EPHA7: variants seen among roughly 807,000 people sequenced by gnomAD.
EPHA7 encodes the protein ephrin type-A receptor 7.
In EPHA7, 25 loss-of-function variants were observed where a neutral mutation model predicts 112.6. The ratio of observed to expected loss-of-function variants is 0.22; its 90% CI spans 0.16 to 0.31. The LOEUF (loss-of-function observed/expected upper bound fraction) is 0.31, where lower values mean the gene tolerates loss of function less well. EPHA7 is among the 10% of genes least tolerant of loss of function. EPHA7 has a pLI of 1.00. For synonymous variants in EPHA7, 437 were observed against 406.5 expected (o/e 1.07, Z -0.90); for missense variants, 962 against 1,212.6 (o/e 0.79, Z 3.07).
chr6:93,349,347 TG>T (rs959743502), intron 5 of EPHA7, among the ~76,000 whole-genome samples: 3 of 151,844 alleles, frequency 2.0e-5, no homozygotes, highest in Non-Finnish European at 4.4e-5. Flanking sequence ...ATTACTAAAA[TG>T]TCATGCCCTG....
At chr6:93,316,911 T>A (rs1319145657) in intron 5 of EPHA7, among the ~76,000 whole-genome samples, 1 of 152,050 alleles carries the variant, frequency 6.6e-6, no homozygotes, top group South Asian at 2.1e-4. Context: ...AGTTGGAAAA[T>A]AATAATTAGC....
In EPHA7 at chr6:93,264,688, T is replaced by C. The variant is rs934498317; in HGVS notation, c.1648A>G (p.Ser550Gly). The C allele has an allele frequency of 7.5e-6, 12 of 1,602,506 alleles. No individual in the cohort carries two copies. Among genetic ancestry groups the C allele is most frequent in the Non-Finnish European group, 1.0e-5 (12 of 1,173,082 alleles). The change falls in exon 8 of 17, where the codon AGT becomes GGT. Residue 550 changes from serine to glycine, a missense_variant. Ser to Gly is a moderately conservative substitution (Grantham distance 56). Transcript: ENST00000369303. ...ATGATAATAACAGGATTCTGTTCAC[T>C]GGAGACAGCTGTAGCTGTAAACAGA... is the stretch of plus-strand genomic sequence containing the variant. ...GKMFEATAVSSEQNPVIIIAV... is the reference protein window; with the variant it reads ...GKMFEATAVSGEQNPVIIIAV...
chr6:93,241,403 A>G lies in EPHA7; in HGVS notation c.*2023T>C, dbSNP rs1300970882. 4.7e-6 allele frequency: 1 copy of G among 212,180 alleles called. No individual in the cohort carries two copies. The highest frequency in any genetic ancestry group is 9.6e-6 in the Non-Finnish European group (1 of 104,376). 13.1% of individuals were successfully genotyped at this position (212,180 alleles called of 1,614,324 possible). On this transcript the variant is annotated 3_prime_UTR_variant, in exon 17 of 17. Coordinates refer to ENST00000369303, the MANE Select transcript of EPHA7 (RefSeq NM_004440.4). ...TACACACTGCAGACACTGAAAAATA[A>G]CCCTCAAGCACATTGTGTTATAGTT...
chr6:93,403,084 C>T (rs625822), intron 3 of EPHA7, among the ~76,000 whole-genome samples: 125,636 of 152,030 alleles, frequency 0.83, 52,432 homozygotes, highest in African/African-American at 0.95. Context: ...ATTATTAGCA[C>T]TTTATCCTGT....
At chr6:93,371,448 A>T (rs190750330) in intron 3 of EPHA7, among the ~76,000 whole-genome samples, 1 of 152,226 alleles carries the variant, frequency 6.6e-6, no homozygotes, top group East Asian at 1.9e-4. Flanking sequence ...TATATAAGGG[A>T]CTTAAGCATC....
At chr6:93,246,384 C>T (rs1002351953) in intron 15 of EPHA7, among the ~76,000 whole-genome samples, 1 of 152,118 alleles carries the variant, frequency 6.6e-6, no homozygotes, top group East Asian at 1.9e-4. Flanking sequence ...ATCATTGAAT[C>T]ATTTATTAAA....
chr6:93,410,491 C>A lies in EPHA7; in HGVS notation c.832+10G>T. On this transcript the variant is annotated intron_variant, in intron 3 of 16. Coordinates refer to ENST00000369303, the MANE Select transcript of EPHA7 (RefSeq NM_004440.4). This position sits in a 1 kb window ranked among gnomAD's most constrained non-coding sequence, Gnocchi z 4.0. ...GGCAAAGTGGAGTTTTAATAGGACA[C>A]ATTACTTACGTTCACAAGTGTCTCC... 1 of 1,605,950 alleles carries A rather than the reference C, an allele frequency of 6.2e-7. No individual in the cohort carries two copies. Among genetic ancestry groups the A allele is most frequent in the Admixed American group, 1.7e-5 (1 of 59,044 alleles).
At chr6:93,262,601 C>T (rs2127865628) in intron 9 of EPHA7, among the ~76,000 whole-genome samples, 1 of 151,478 alleles carries the variant, frequency 6.6e-6, no homozygotes, top group East Asian at 1.9e-4. Context: ...ATACATTTAA[C>T]TTCAATTTGT....
chr6:93,263,925 A>G lies in EPHA7; in HGVS notation c.1743-10T>C. The G allele has an allele frequency of 6.2e-7, 1 of 1,606,894 alleles. No homozygotes were observed. Among genetic ancestry groups the G allele is most frequent in the Non-Finnish European group, 8.5e-7 (1 of 1,175,448 alleles). On this transcript the variant is annotated splice_polypyrimidine_tract_variant and intron_variant, in intron 8 of 16. Coordinates refer to ENST00000369303, the MANE Select transcript of EPHA7 (RefSeq NM_004440.4). ...GCTATAACCACAGTGCCTTGAAGAA[A>G]GCAAATTTGTGACAATCTCAGTCAT...
At chr6:93,417,055 C>T (rs1027046399) in intron 1 of EPHA7, among the ~76,000 whole-genome samples, 2 of 152,104 alleles carry the variant, frequency 1.3e-5, no homozygotes, top group Non-Finnish European at 2.9e-5. Flanking sequence ...GAAGCATCTC[C>T]TCTGAGGAAG....
chr6:93,370,692 G>A (rs1456150019), intron 3 of EPHA7, among the ~76,000 whole-genome samples: 1 of 152,104 alleles, frequency 6.6e-6, no homozygotes, highest in East Asian at 1.9e-4. Flanking sequence ...CATTTCATAT[G>A]TCTCTAAGAC....
intron 14 of EPHA7, among the ~76,000 whole-genome samples, chr6:93,248,653 C>G (rs922903029): frequency 6.8e-6 from 1 of 146,640 alleles, no homozygotes; most frequent in African/African-American, 2.5e-5. Flanking sequence ...TTCTTTCATT[C>G]TCCCTCTCTC....
At chr6:93,353,346 A>G (rs551775063) in intron 5 of EPHA7, among the ~76,000 whole-genome samples, 6 of 152,156 alleles carry the variant, frequency 3.9e-5, no homozygotes, top group African/African-American at 7.2e-5. Context: ...TTAAAAGTAT[A>G]TAAATATGAA....
intron 3 of EPHA7, among the ~76,000 whole-genome samples, chr6:93,386,189 C>A: frequency 6.6e-6 from 1 of 152,188 alleles, no homozygotes; most frequent in East Asian, 1.9e-4. Flanking sequence ...CCAGCTTTAA[C>A]CCAAAATTCC....
At chr6:93,312,794 C>T (rs146630737) in intron 5 of EPHA7, among the ~76,000 whole-genome samples, 1 of 152,224 alleles carries the variant, frequency 6.6e-6, no homozygotes, top group Admixed American at 6.5e-5. Flanking sequence ...AGACCTGCAG[C>T]TCTTTCTTGC....
At position 93,243,439 on chromosome 6, in the gene EPHA7, C is replaced by T. The variant is rs755519422; in HGVS notation, c.2984G>A (p.Gly995Asp). Reference sequence around the variant, plus strand: ...GAGAAATGCATATCACACTTGAATGCCAGTTCCATGTAAATGTAGCATTTG... The same window carrying T: ...GAGAAATGCATATCACACTTGAATGTCAGTTCCATGTAAATGTAGCATTTG... ...RAQMLHLHGT[G>D]IQV The change falls in exon 17 of 17, where the codon GGC becomes GAC. Residue 995 changes from glycine (G) to aspartate (D), a missense_variant. By Grantham distance (94) the Gly-to-Asp change is moderately conservative. Coordinates refer to ENST00000369303, the MANE Select transcript of EPHA7 (RefSeq NM_004440.4). 3.3e-5 allele frequency: 54 copies of T among 1,612,498 alleles called. No individual in the cohort carries two copies. The highest frequency in any genetic ancestry group is 4.6e-5 in the Non-Finnish European group (54 of 1,178,912).
chr6:93,294,155 T>C (rs1772532881), intron 5 of EPHA7, among the ~76,000 whole-genome samples: 1 of 152,156 alleles, frequency 6.6e-6, no homozygotes, highest in South Asian at 2.1e-4. Context: ...ATCTACTCAG[T>C]CACAAGAAGA....
At chr6:93,371,197 C>T (rs966203460) in intron 3 of EPHA7, among the ~76,000 whole-genome samples, 3 of 151,436 alleles carry the variant, frequency 2.0e-5, no homozygotes, top group African/African-American at 7.3e-5. Context: ...GCACAGTCAG[C>T]TCTCTGTATC....
At chr6:93,252,766 C>A (rs550342509) in intron 14 of EPHA7, among the ~76,000 whole-genome samples, 3 of 151,836 alleles carry the variant, frequency 2.0e-5, no homozygotes, top group Non-Finnish European at 4.4e-5. Flanking sequence ...GCTAAACAAA[C>A]CTGTGACCAA....
Sources: allele counts gnomAD v4.1 joint callset (sites outside exome capture counted in the v4.1 genomes callset), GRCh38; gene constraint gnomAD v4.1.1; non-coding constraint Gnocchi (gnomAD v3.1); transcripts MANE v1.5; gene names NCBI Gene and HGNC (gene_info 2026-07-23, HGNC 2026-07-21).